Variants in ABCB4 observed in about 807,000 individuals in gnomAD.
ABCB4 encodes phosphatidylcholine translocator ABCB4.
ABCB4 carries 76 observed loss-of-function variants against 145.7 expected under a neutral mutation model. The ratio of observed to expected loss-of-function variants is 0.52; its 90% CI spans 0.43 to 0.63. ABCB4 has a LOEUF of 0.63. Ranked by LOEUF, ABCB4 falls within the 30% of genes least tolerant of loss-of-function variation. The pLI, the probability that ABCB4 is intolerant of heterozygous loss-of-function variation, is 0.00. For missense variants in ABCB4, 1,234 were observed against 1,553.1 expected (o/e 0.79, Z 3.45); for synonymous variants, 517 against 566.8 (o/e 0.91, Z 1.25).
At chr7:87,443,797 C>T in intron 10 of ABCB4, 24 bp from the exon 11 acceptor site, 2 of 1,548,928 alleles carry the variant, frequency 1.3e-6, no homozygotes, top group South Asian at 1.1e-5. Context: ...AATGTAATGA[C>T]TATTCCATCA....
At chr7:87,398,511 T>G (rs779092484), downstream of ABCB4, 1 of 1,613,136 alleles carries the variant, frequency 6.2e-7, no homozygotes, top group Non-Finnish European at 8.5e-7. Context: ...TAATCATTAT[T>G]TATGCTTCAC....
At chr7:87,412,686 A>G (rs2116414889) in intron 22 of ABCB4, among the ~76,000 whole-genome samples, 1 of 152,354 alleles carries the variant, frequency 6.6e-6, no homozygotes, top group South Asian at 2.1e-4. Context: ...GGAAAAATTC[A>G]AAGTATTACT....
At chr7:87,411,282 C>A (rs546271478) in intron 23 of ABCB4, among the ~76,000 whole-genome samples, 2 of 152,148 alleles carry the variant, frequency 1.3e-5, no homozygotes, top group Non-Finnish European at 2.9e-5. Flanking sequence ...ACCAAATGAT[C>A]TTAAAAAGAG....
Position 87,469,967 on chromosome 7 carries a change from T to A in ABCB4, c.135+2654A>T, listed in dbSNP as rs1316948163. Among the ~76,000 whole-genome samples, 3 of 152,190 alleles carry A rather than the reference T, an allele frequency of 2.0e-5. No individual in the cohort carries two copies. In the East Asian group the frequency reaches 5.8e-4, roughly 29 times the overall value. On this transcript the variant is annotated intron_variant, in intron 3 of 27. Coordinates refer to ENST00000649586, the MANE Select transcript of ABCB4 (RefSeq NM_000443.4). ...GGCATCATGCTACCTGACTTCAAAC[T>A]ATACTACAAGGCTACAGTAACCAAA...
the ABCB4 span, chr7:87,382,652 G>A: frequency 9.1e-7 from 1 of 1,097,056 alleles, no homozygotes; most frequent in South Asian, 1.6e-5. Context: ...TTTTTTCCCA[G>A]CTGGTACTGT....
At chr7:87,394,891 C>G in the ABCB4 span, among the ~76,000 whole-genome samples, 4 of 151,924 alleles carry the variant, frequency 2.6e-5, no homozygotes, top group African/African-American at 9.7e-5. Context: ...GAAGTAGAGG[C>G]AGCAGACAAG....
At chr7:87,445,979 G>A (rs932275811) in intron 9 of ABCB4, among the ~76,000 whole-genome samples, 2 of 152,292 alleles carry the variant, frequency 1.3e-5, no homozygotes, top group South Asian at 2.1e-4. Context: ...AAAGGTGAAC[G>A]GTTGTCAGGA....
rs1811745115 is a variant in ABCB4 at position 87,451,701 on chromosome 7, G to A, written c.630C>T (p.Phe210=). ...CAAGGGTGAGCTTCCATCCTCTGAT[G>A]AATCCCACTATGAATCCTGCAAAAA... is the stretch of plus-strand genomic sequence containing the variant. The part of the protein sequence containing the change: ...ATFFAGFIVG[F]IRGWKLTLVI... The change falls in exon 7 of 28, where the codon TTC becomes TTT. Residue 210 remains phenylalanine, a synonymous_variant. Coordinates refer to ENST00000649586, the MANE Select transcript of ABCB4 (RefSeq NM_000443.4). 2 of 1,614,196 alleles carry A rather than the reference G, an allele frequency of 1.2e-6. No homozygotes were observed. The highest frequency in any genetic ancestry group is 2.2e-5 in the East Asian group (1 of 44,884).
intron 1 of ABCB4, 53 bp downstream of exon 1, chr7:87,475,581 G>T: frequency 2.8e-6 from 3 of 1,056,054 alleles, no homozygotes; most frequent in Non-Finnish European, 4.3e-6. Flanking sequence ...CCCGCCCCGC[G>T]CCCCACGTCC....
Position 87,454,388 on chromosome 7 carries a change from A to T in ABCB4, c.344+147T>A, listed in dbSNP as rs1811971896. The stretch of plus-strand genomic sequence containing the variant: ...TAAAGGGCCATGATGTGTGCATCTT[A>T]CTTTAAATTGGGATTTGGGAGCAAA... On this transcript the variant is annotated intron_variant, in intron 5 of 27. Coordinates refer to ENST00000649586, the MANE Select transcript of ABCB4 (RefSeq NM_000443.4). 3.2e-5 allele frequency: 21 copies of T among 650,262 alleles called. No individual in the cohort carries two copies. The East Asian group carries it at 5.9e-4, about 18-fold the overall frequency. 40.3% of individuals were successfully genotyped at this position (650,262 alleles called of 1,614,324 possible). A position where few individuals can be genotyped will look rare whatever the true frequency, so the allele number is the denominator to read the frequency against.
chr7:87,366,767 G>T, the ABCB4 span, among the ~76,000 whole-genome samples: 1 of 152,170 alleles, frequency 6.6e-6, no homozygotes. Context: ...CCTAAACATC[G>T]TTTAAAATTT....
chr7:87,390,149 T>A, the ABCB4 span, among the ~76,000 whole-genome samples: 1 of 152,190 alleles, frequency 6.6e-6, no homozygotes, highest in Non-Finnish European at 1.5e-5. Context: ...AAACTGGTAG[T>A]TAGAGCTAGA....
the ABCB4 span, among the ~76,000 whole-genome samples, chr7:87,393,580 G>C: frequency 6.6e-6 from 1 of 152,142 alleles, no homozygotes; most frequent in East Asian, 1.9e-4. Context: ...GTATAAAAAA[G>C]AGTAGTGGAG....
downstream of ABCB4, among the ~76,000 whole-genome samples, chr7:87,401,358 A>G (rs1167485190): frequency 6.6e-6 from 1 of 152,200 alleles, no homozygotes; most frequent in Non-Finnish European, 1.5e-5. Context: ...CTTTCCATCT[A>G]AACATACCTT....
intron 6 of ABCB4, among the ~76,000 whole-genome samples, chr7:87,452,200 C>G (rs1269146392): frequency 6.6e-6 from 1 of 151,834 alleles, no homozygotes; most frequent in Non-Finnish European, 1.5e-5. Context: ...TACTCTTGTC[C>G]CTATTCCCAA....
chr7:87,382,408 G>C, the ABCB4 span: 1 of 1,608,692 alleles, frequency 6.2e-7, no homozygotes, highest in African/African-American at 1.3e-5. Flanking sequence ...AATTCTTCTT[G>C]TTAGGCATCT....
intron 25 of ABCB4, 118 bp downstream of exon 25, chr7:87,407,919 G>T: frequency 7.8e-7 from 1 of 1,281,774 alleles, no homozygotes; most frequent in Non-Finnish European, 1.1e-6. Flanking sequence ...TATAGAATGT[G>T]GTCATTGTAT....
chr7:87,407,035 C>G (rs1485726800), intron 25 of ABCB4, among the ~76,000 whole-genome samples: 1 of 152,172 alleles, frequency 6.6e-6, no homozygotes, highest in African/African-American at 2.4e-5. Context: ...GGAAAAGGAA[C>G]AAGTTACAAA....
At chr7:87,370,251 C>T in the ABCB4 span, among the ~76,000 whole-genome samples, 18 of 152,208 alleles carry the variant, frequency 1.2e-4, no homozygotes, top group Admixed American at 7.2e-4. Context: ...GGCACAATCT[C>T]GGCTCACTGC....
Sources: gnomAD v4.1 joint callset for allele counts (sites outside exome capture counted in the v4.1 genomes callset) on GRCh38, gnomAD v4.1.1 for gene constraint, MANE v1.5 for transcripts, NCBI Gene and HGNC (gene_info 2026-07-23, HGNC 2026-07-21) for gene names.